The following SCARB1 variants were observed in gnomAD, a reference collection of about 807,000 sequenced individuals.
The protein encoded by SCARB1 is scavenger receptor class B member 1, also known as CD36 and LIMPII analogous 1.
Under a neutral mutation model 57.2 loss-of-function variants are expected in SCARB1, and 30 were observed. The observed-to-expected ratio is 0.52, with a 90% CI of 0.39 to 0.71. The LOEUF (loss-of-function observed/expected upper bound fraction) is 0.71. Ranked by LOEUF, SCARB1 falls within the 30% of genes least tolerant of loss-of-function variation. SCARB1 has a pLI of 0.00. For synonymous variants in SCARB1, 249 were observed against 268.3 expected (o/e 0.93, Z 0.70); for missense variants, 543 against 671.2 (o/e 0.81, Z 2.11).
chr12:124,788,582 T>G (rs558728654), intron 9 of SCARB1, among the ~76,000 whole-genome samples: 2 of 152,212 alleles, frequency 1.3e-5, no homozygotes, highest in African/African-American at 4.8e-5. Context: ...ATGGAAGCCA[T>G]GTGTTGGGAA....
intron 12 of SCARB1, among the ~76,000 whole-genome samples, chr12:124,781,359 C>A (rs1873434135): frequency 1.3e-5 from 2 of 152,228 alleles, no homozygotes; most frequent in African/African-American, 2.4e-5. Flanking sequence ...GTAGGCCTAG[C>A]CTCAGAAGCT....
chr12:124,833,880 C>T (rs1352845725), intron 1 of SCARB1, among the ~76,000 whole-genome samples: 4 of 152,232 alleles, frequency 2.6e-5, no homozygotes, highest in Non-Finnish European at 4.4e-5. Flanking sequence ...AAACCCGGGC[C>T]GGGGAATGAT....
intron 11 of SCARB1, chr12:124,785,948 C>T (rs905346628): frequency 1.2e-5 from 12 of 960,008 alleles, no homozygotes; most frequent in African/African-American, 9.9e-5. Context: ...TCTGTCTCCC[C>T]GGCTGGGATG....
At chr12:124,811,033 G>A (rs1159521458) in intron 5 of SCARB1, among the ~76,000 whole-genome samples, 3 of 152,148 alleles carry the variant, frequency 2.0e-5, no homozygotes, top group Non-Finnish European at 4.4e-5. Flanking sequence ...ATTGAGAAAA[G>A]GTCACGAAGG....
intron 10 of SCARB1, among the ~76,000 whole-genome samples, chr12:124,786,776 G>A (rs1949539997): frequency 6.6e-6 from 1 of 152,206 alleles, no homozygotes; most frequent in Admixed American, 6.5e-5. Context: ...TCTCCATCTC[G>A]TTCCCTGCCA....
chr12:124,829,873 C>A (rs1951317904), intron 1 of SCARB1, among the ~76,000 whole-genome samples: 1 of 152,216 alleles, frequency 6.6e-6, no homozygotes, highest in African/African-American at 2.4e-5. Context: ...ACATTATATT[C>A]ATCACCCTGT....
At chr12:124,813,644 G>A (rs569409546) in intron 4 of SCARB1, among the ~76,000 whole-genome samples, 47 of 152,234 alleles carry the variant, frequency 3.1e-4, no homozygotes, top group African/African-American at 1.0e-3. Flanking sequence ...ACAGGAGCCC[G>A]TCACCCTTGA....
At chr12:124,839,165 T>C (rs577640207) in intron 1 of SCARB1, 3 of 444,124 alleles carry the variant, frequency 6.8e-6, no homozygotes, top group South Asian at 1.6e-5. Flanking sequence ...TAAAGAACTC[T>C]TTCATCTTGC....
rs116719671 is a variant in SCARB1, at chr12:124,795,724, T to C, written c.1129-456A>G. On this transcript the variant is annotated intron_variant, in intron 8 of 12. Coordinates refer to ENST00000261693, the MANE Select transcript of SCARB1 (RefSeq NM_005505.5). ...TCACTCCCAACTCCTCCTGATCATT[T>C]TGAAGAGTAGGTCTCAGCCAGGTGT... Among the ~76,000 whole-genome samples, 741 of 152,298 alleles carry C rather than the reference T, an allele frequency of 4.9e-3. 3 individuals carry two copies. Among genetic ancestry groups the C allele is most frequent in the African/African-American group, 0.017 (688 of 41,550 alleles).
chr12:124,823,571 C>G (rs773408429), intron 1 of SCARB1, among the ~76,000 whole-genome samples: 2 of 152,120 alleles, frequency 1.3e-5, no homozygotes, highest in South Asian at 4.1e-4. Context: ...CCAGTCTGAC[C>G]GTTCCTCAAA....
intron 2 of SCARB1, 83 bp from the exon 3 acceptor site, chr12:124,815,197 G>A (rs1203864475): frequency 2.6e-6 from 4 of 1,510,874 alleles, no homozygotes; most frequent in East Asian, 2.3e-5. Context: ...GCCTGCCTGG[G>A]AACCAGGGGC....
chr12:124,787,530 C>A, intron 9 of SCARB1, 73 bp from the exon 10 acceptor site: 2 of 1,332,440 alleles, frequency 1.5e-6, no homozygotes, highest in Non-Finnish European at 2.1e-6. Flanking sequence ...TGCTTGAATA[C>A]AACATCTAAA....
chr12:124,810,433 A>G lies in SCARB1; in HGVS notation c.727-144T>C, dbSNP rs1950481424. ...TGGCACGGTGGGAAGAGGGCAGGCT[A>G]TGTAGACACACAGAGAGAATGCCTA... On this transcript the variant is annotated intron_variant, in intron 5 of 12. Transcript: ENST00000261693. This position sits in a 1 kb window ranked among gnomAD's most constrained non-coding sequence, Gnocchi z 4.0. 1 of 673,998 alleles carries G rather than the reference A, an allele frequency of 1.5e-6. No homozygotes were observed. The highest frequency in any genetic ancestry group is 1.6e-5 in the South Asian group (1 of 62,002). 41.8% of individuals were successfully genotyped at this position (673,998 alleles called of 1,614,324 possible).
chr12:124,854,327 G>C (rs148832777), intron 1 of SCARB1, among the ~76,000 whole-genome samples: 64 of 152,354 alleles, frequency 4.2e-4, no homozygotes, highest in African/African-American at 1.5e-3. Flanking sequence ...CATTGTGCAA[G>C]GGAAAAGGGA....
In SCARB1 at chr12:124,812,654, A is replaced by T. The variant is rs1215524060; in HGVS notation, c.631-689T>A. ...CAGAAGCTGGTTTCTAATCCCAAAG[A>T]CATGCAAAGCACAAAGTGGTATGAG... On this transcript the variant is annotated intron_variant, in intron 4 of 12. Transcript: ENST00000261693. This position sits in a 1 kb window ranked among gnomAD's most constrained non-coding sequence, Gnocchi z 4.3. Among the ~76,000 whole-genome samples, 1 of 152,206 alleles carries T rather than the reference A, an allele frequency of 6.6e-6. No individual in the cohort carries two copies. The highest frequency in any genetic ancestry group is 6.5e-5 in the Admixed American group (1 of 15,278).
rs1479263889 is a variant in SCARB1 at position 124,814,446 on chromosome 12, G to A, written c.427-41C>T. 16 of 1,596,672 alleles carry A rather than the reference G, an allele frequency of 1.0e-5. No individual in the cohort carries two copies. Among genetic ancestry groups the A allele is most frequent in the Non-Finnish European group, 1.4e-5 (16 of 1,165,900 alleles). On this transcript the variant is annotated intron_variant, in intron 3 of 12. Transcript: ENST00000261693. The surrounding 1 kb of genome is among the most constrained non-coding windows in gnomAD (Gnocchi z 4.7). ...ACACTAGTGTCAGAGGCTGGACGTG[G>A]CTGGCCCATCCTCCCTTGGCCCCAG...
chr12:124,823,183 C>T (rs987251067), intron 1 of SCARB1, among the ~76,000 whole-genome samples: 3 of 152,050 alleles, frequency 2.0e-5, no homozygotes, highest in African/African-American at 2.4e-5. Context: ...GCTGGTTACC[C>T]GGGACTATGT....
At chr12:124,793,560 G>T (rs1949809542) in intron 9 of SCARB1, among the ~76,000 whole-genome samples, 2 of 152,310 alleles carry the variant, frequency 1.3e-5, no homozygotes, top group South Asian at 4.1e-4. Context: ...GGGCACGGTG[G>T]CGGGCGCCTG....
intron 1 of SCARB1, among the ~76,000 whole-genome samples, chr12:124,823,910 A>G (rs1951034843): frequency 6.6e-6 from 1 of 152,180 alleles, no homozygotes; most frequent in African/African-American, 2.4e-5. Flanking sequence ...CACATCTGTA[A>G]TCCCAGCACT....
Sources: allele counts gnomAD v4.1 joint callset (sites outside exome capture counted in the v4.1 genomes callset), GRCh38; gene constraint gnomAD v4.1.1; non-coding constraint Gnocchi (gnomAD v3.1); transcripts MANE v1.5; gene names NCBI Gene and HGNC (gene_info 2026-07-23, HGNC 2026-07-21).